Variants in SPIN1 observed in about 807,000 individuals in gnomAD.
SPIN1 encodes spindlin 1.
SPIN1 carries 3 observed loss-of-function variants against 26.0 expected under a neutral mutation model. The observed-to-expected ratio is 0.12, with a 90% CI of 0.05 to 0.30. The LOEUF (loss-of-function observed/expected upper bound fraction) is 0.30, where lower values mean the gene tolerates loss of function less well. Ranked by LOEUF, SPIN1 falls within the 10% of genes least tolerant of loss-of-function variation. The pLI is 1.00. For synonymous variants in SPIN1, 101 were observed against 116.5 expected, an observed-to-expected ratio of 0.87 and a Z score of 0.86; for missense variants, 126 against 333.4, an observed-to-expected ratio of 0.38 and a Z score of 4.84.
intron 1 of SPIN1, among the ~76,000 whole-genome samples, chr9:88,401,875 C>T (rs1827194093): frequency 6.6e-6 from 1 of 152,156 alleles, no homozygotes; most frequent in Non-Finnish European, 1.5e-5. Flanking sequence ...ACAATCTTTT[C>T]CTTTTATTAA....
intron 2 of SPIN1, among the ~76,000 whole-genome samples, chr9:88,438,955 A>G (rs1014474417): frequency 6.6e-6 from 1 of 152,192 alleles, no homozygotes; most frequent in Non-Finnish European, 1.5e-5. Flanking sequence ...AAACTTGTTC[A>G]TGAGGCGGTT....
chr9:88,468,954 G>A (rs1052696231), intron 5 of SPIN1, among the ~76,000 whole-genome samples: 63 of 152,172 alleles, frequency 4.1e-4, no homozygotes, highest in African/African-American at 1.4e-3. Flanking sequence ...TTATCTCATC[G>A]CCTGTCTAGT....
At chr9:88,457,795 A>T (rs1466702846) in intron 3 of SPIN1, 5 of 964,368 alleles carry the variant, frequency 5.2e-6, no homozygotes, top group Non-Finnish European at 6.2e-6. Context: ...CAGAGGATGT[A>T]TCTAGAAAGA....
Position 88,436,754 on chromosome 9 carries a change from CTTTTTTTT to C in SPIN1, c.52+10184_52+10191del, listed in dbSNP as rs776223657. Among the ~76,000 whole-genome samples the C allele has an allele frequency of 7.1e-5, 7 of 98,794 alleles. No individual in the cohort carries two copies. In the South Asian group the frequency reaches 2.2e-3, roughly 31 times the overall value. 64.8% of individuals were successfully genotyped at this position (98,794 alleles called of 152,430 possible). A position where few individuals can be genotyped will look rare whatever the true frequency, so the allele number is the denominator to read the frequency against. Reference sequence around the variant, plus strand: ...ATATGCACATAAATTTCCTCTGTGTCTTTTTTTTTTTTTTTTTTTTTTTTTTTTGAGAC... The same window carrying C: ...ATATGCACATAAATTTCCTCTGTGTCTTTTTTTTTTTTTTTTTTTTGAGAC... On this transcript the variant is annotated intron_variant, in intron 2 of 5. Transcript: ENST00000375859.
chr9:88,404,957 G>C (rs563780951), intron 1 of SPIN1, among the ~76,000 whole-genome samples: 35 of 151,708 alleles, frequency 2.3e-4, no homozygotes, highest in South Asian at 1.0e-3. Context: ...AGATACTCAG[G>C]ATCATCTGTA....
In SPIN1 at chr9:88,437,403, C is replaced by T. The variant is rs968238697; in HGVS notation, c.52+10812C>T. Among the ~76,000 whole-genome samples the T allele has an allele frequency of 2.2e-4, 34 of 151,148 alleles. 1 individual carries two copies. In the Middle Eastern group the frequency reaches 0.014, roughly 60 times the overall value. On this transcript the variant is annotated intron_variant, in intron 2 of 5. Transcript: ENST00000375859. ...GTCCTAGCCACTCGGGAGGTTGAGG[C>T]GGGAGGATGGCTTGAGCCAAGGAGG...
In SPIN1 at chr9:88,476,408, C is replaced by G. The variant is rs932646932; in HGVS notation, c.*1131C>G. The G allele has an allele frequency of 1.3e-5, 2 of 152,226 alleles. No homozygotes were observed. Among genetic ancestry groups the G allele is most frequent in the Non-Finnish European group, 2.9e-5 (2 of 68,100 alleles). 9.4% of individuals were successfully genotyped at this position (152,226 alleles called of 1,614,324 possible). A position where few individuals can be genotyped will look rare whatever the true frequency, so the allele number is the denominator to read the frequency against. On this transcript the variant is annotated 3_prime_UTR_variant, in exon 6 of 6. Transcript: ENST00000375859. ...ATGATTATGGTCAGAGACTTTCAAC[C>G]CACCCCTTCCTGCCTACCCCTGGCT... is the stretch of plus-strand genomic sequence containing the variant.
At chr9:88,469,994 CT>C (rs1447397057) in intron 5 of SPIN1, among the ~76,000 whole-genome samples, 9 of 152,198 alleles carry the variant, frequency 5.9e-5, no homozygotes, top group Non-Finnish European at 8.8e-5. Flanking sequence ...TTCGAACCCC[CT>C]GGCCTTAAGC....
chr9:88,400,888 C>T (rs1158108159), intron 1 of SPIN1, among the ~76,000 whole-genome samples: 2 of 151,360 alleles, frequency 1.3e-5, no homozygotes, highest in East Asian at 1.9e-4. Flanking sequence ...TGGCTTGTGC[C>T]TGTAGTTTTA....
chr9:88,442,939 G>A lies in SPIN1; in HGVS notation c.53-6002G>A, dbSNP rs554024377. ...GTTCAAGACCAGCCTGACCAACATGGTGAAACCCTGTCTCTACTAAAAATA... is the reference window on the plus strand; with the variant it reads ...GTTCAAGACCAGCCTGACCAACATGATGAAACCCTGTCTCTACTAAAAATA... On this transcript the variant is annotated intron_variant, in intron 2 of 5. Coordinates refer to ENST00000375859, the MANE Select transcript of SPIN1 (RefSeq NM_006717.3). Among the ~76,000 whole-genome samples the A allele has an allele frequency of 1.8e-4, 28 of 151,422 alleles. 1 individual carries two copies. In the South Asian group the frequency reaches 5.9e-3, roughly 32 times the overall value.
chr9:88,404,803 C>G (rs1455093195), intron 1 of SPIN1, among the ~76,000 whole-genome samples: 1 of 151,574 alleles, frequency 6.6e-6, no homozygotes, highest in Non-Finnish European at 1.5e-5. Flanking sequence ...GTAATCCCAG[C>G]TACTCGGGAG....
intron 5 of SPIN1, 31 bp from the exon 6 acceptor site, chr9:88,475,047 C>CTTT (rs11320023): frequency 3.8e-4 from 321 of 841,424 alleles, no homozygotes; most frequent in South Asian, 1.9e-3. Context: ...CTCTCTCTCT[C>CTTT]TTTTTTTTTT....
intron 3 of SPIN1, among the ~76,000 whole-genome samples, chr9:88,460,413 C>G (rs1828556746): frequency 6.6e-6 from 1 of 152,138 alleles, no homozygotes; most frequent in East Asian, 1.9e-4. Context: ...CATTTCTCAT[C>G]TTTTCTGTTC....
intron 2 of SPIN1, among the ~76,000 whole-genome samples, chr9:88,443,144 A>AC (rs1332668838): frequency 6.6e-6 from 1 of 151,452 alleles, no homozygotes; most frequent in African/African-American, 2.4e-5. Flanking sequence ...ACAAAAAAAA[A>AC]CTCAGTCTTT....
chr9:88,401,313 C>T (rs1827182044), intron 1 of SPIN1, among the ~76,000 whole-genome samples: 1 of 152,094 alleles, frequency 6.6e-6, no homozygotes, highest in South Asian at 2.1e-4. Flanking sequence ...GACCATTATA[C>T]CCATACACTG....
intron 2 of SPIN1, among the ~76,000 whole-genome samples, chr9:88,446,408 G>GTTTT (rs372052401): frequency 2.3e-5 from 3 of 129,874 alleles, no homozygotes; most frequent in African/African-American, 8.8e-5. Flanking sequence ...TTGGTTTGCT[G>GTTTT]TTTTTTTTTT....
intron 1 of SPIN1, among the ~76,000 whole-genome samples, chr9:88,401,148 G>C (rs935686573): frequency 6.6e-6 from 1 of 152,228 alleles, no homozygotes; most frequent in Admixed American, 6.5e-5. Context: ...CATGTGCTCT[G>C]TTGATCCAGC....
intron 2 of SPIN1, among the ~76,000 whole-genome samples, chr9:88,445,542 A>ATTATT (rs1828232693): frequency 6.8e-6 from 1 of 146,314 alleles, no homozygotes; most frequent in African/African-American, 2.5e-5. Flanking sequence ...TATTATTATT[A>ATTATT]TTATTATTAT....
At position 88,411,065 on chromosome 9, in the gene SPIN1, A is replaced by T. The variant is rs559081566; in HGVS notation, c.-158-15317A>T. 22 of 1,581,008 alleles carry T rather than the reference A, an allele frequency of 1.4e-5. No homozygotes were observed. In the African/African-American group the frequency reaches 2.9e-4, roughly 21 times the overall value. On this transcript the variant is annotated intron_variant, in intron 1 of 5. Coordinates refer to ENST00000375859, the MANE Select transcript of SPIN1 (RefSeq NM_006717.3). ...GCCTCGGTCAGTCATGATTTCAATC[A>T]CTTCAGTTTTTCAGAACTGTTTAAA...
Sources: gnomAD v4.1 joint callset for allele counts (sites outside exome capture counted in the v4.1 genomes callset) on GRCh38, gnomAD v4.1.1 for gene constraint, MANE v1.5 for transcripts, NCBI Gene and HGNC (gene_info 2026-07-23, HGNC 2026-07-21) for gene names.